The following CADPS2 variants were observed in gnomAD, a reference collection of about 807,000 sequenced individuals.
The protein encoded by CADPS2 is calcium-dependent secretion activator 2.
In CADPS2, 93 loss-of-function variants were observed where a neutral mutation model predicts 172.5. That is an observed-to-expected ratio of 0.54 (90% CI 0.46 to 0.64). CADPS2 has a LOEUF of 0.64. Ranked by LOEUF, CADPS2 falls within the 30% of genes least tolerant of loss-of-function variation. The pLI, the probability that CADPS2 is intolerant of heterozygous loss-of-function variation, is 0.00. For synonymous variants in CADPS2, 546 were observed against 555.2 expected (o/e 0.98, Z 0.23); for missense variants, 1,420 against 1,565.9 (o/e 0.91, Z 1.57).
rs552595954 is a variant in CADPS2, at chr7:122,816,612, GT to G, written c.339+69386del. Among the ~76,000 whole-genome samples the G allele has an allele frequency of 3.0e-3, 450 of 152,314 alleles. 1 individual carries two copies. The highest frequency in any genetic ancestry group is 0.012 in the South Asian group (57 of 4,822). The stretch of plus-strand genomic sequence containing the variant: ...TAGTTTTTGGAGGAACCTCCATACT[GT>G]TTTCCATAATAGCTTTGTGAATGTA... On this transcript the variant is annotated intron_variant, in intron 1 of 29. Coordinates refer to ENST00000449022, the MANE Select transcript of CADPS2 (RefSeq NM_017954.11).
chr7:122,683,745 GA>G (rs5887112), intron 2 of CADPS2, among the ~76,000 whole-genome samples: 1 of 149,402 alleles, frequency 6.7e-6, no homozygotes, highest in Admixed American at 6.7e-5. Context: ...TGTTAATGAA[GA>G]AAAAAAAAAC....
intron 8 of CADPS2, among the ~76,000 whole-genome samples, chr7:122,529,524 T>C (rs1482532968): frequency 6.6e-6 from 1 of 151,998 alleles, no homozygotes; most frequent in Non-Finnish European, 1.5e-5. Flanking sequence ...TAGAAAAGAA[T>C]AAAAGAGTTA....
chr7:122,667,880 A>C (rs909781253), intron 2 of CADPS2, among the ~76,000 whole-genome samples: 2 of 152,140 alleles, frequency 1.3e-5, no homozygotes, highest in Non-Finnish European at 2.9e-5. Flanking sequence ...TGAGGGAAAT[A>C]CAAGGACTTT....
At chr7:122,880,214 G>T (rs1168800469) in intron 1 of CADPS2, among the ~76,000 whole-genome samples, 1 of 152,102 alleles carries the variant, frequency 6.6e-6, no homozygotes, top group African/African-American at 2.4e-5. Context: ...GTTCATTCTG[G>T]AATGGAAAGC....
chr7:122,406,305 AC>A (rs2046630572), intron 20 of CADPS2, among the ~76,000 whole-genome samples: 1 of 152,246 alleles, frequency 6.6e-6, no homozygotes, highest in Non-Finnish European at 1.5e-5. Flanking sequence ...GTTTAGGTTT[AC>A]AACCAGAAAG....
rs1430897622 is a variant in CADPS2 at position 122,407,549 on chromosome 7, G to A, written c.2737C>T (p.Arg913Ter). The part of the protein sequence containing the change: ...PLFQLLNNFL[R>*]NDTLLCNGKF... The stretch of plus-strand genomic sequence containing the variant: ...AAACGCAAATGCTCACTGTCATTTC[G>A]GAGGAAATTATTAAGCAGTTGGAAA... Residue 913 changes from arginine to a stop codon, truncating the protein, a stop_gained, in exon 20 of 30, where the codon CGA becomes TGA. Transcript: ENST00000449022. LOFTEE classifies it high-confidence loss of function. The A allele has an allele frequency of 2.5e-6, 4 of 1,610,130 alleles. No individual in the cohort carries two copies. The highest frequency in any genetic ancestry group is 3.4e-6 in the Non-Finnish European group (4 of 1,178,538).
chr7:122,554,550 C>A lies in CADPS2; in HGVS notation c.1475G>T (p.Gly492Val). 1.3e-6 allele frequency: 2 copies of A among 1,587,688 alleles called. No homozygotes were observed. The highest frequency in any genetic ancestry group is 1.7e-6 in the Non-Finnish European group (2 of 1,170,474). Reference protein sequence around the residue: ...MDKPAHMKHSGYLYALGQKVW... With the variant: ...MDKPAHMKHSVYLYALGQKVW... ...AAAAAATCCTCAAATTTATACTCAC[C>A]CACTATGCTTCATATGTGCTGGTTT... The change falls in exon 8 of 30, where the codon GGA becomes GTA. Residue 492 changes from glycine to valine, a missense_variant and splice_region_variant. Coordinates refer to ENST00000449022, the MANE Select transcript of CADPS2 (RefSeq NM_017954.11).
chr7:122,821,758 A>C (rs908584693), intron 1 of CADPS2, among the ~76,000 whole-genome samples: 1 of 152,208 alleles, frequency 6.6e-6, no homozygotes, highest in Non-Finnish European at 1.5e-5. Flanking sequence ...CAAGAAAAGT[A>C]GAATGGACTA....
At chr7:122,358,504 G>A (rs1194792089) in intron 27 of CADPS2, among the ~76,000 whole-genome samples, 1 of 151,818 alleles carries the variant, frequency 6.6e-6, no homozygotes, top group Non-Finnish European at 1.5e-5. Context: ...ATTATGTGGG[G>A]TTGTATCTAA....
intron 6 of CADPS2, among the ~76,000 whole-genome samples, chr7:122,581,842 T>C (rs182877248): frequency 4.3e-4 from 65 of 152,248 alleles, no homozygotes; most frequent in Admixed American, 2.4e-3. Context: ...TCTGAATGTT[T>C]TGTAGTTAAT....
intron 24 of CADPS2, 59 bp downstream of exon 24, chr7:122,386,967 G>A: frequency 1.3e-6 from 2 of 1,514,094 alleles, no homozygotes; most frequent in Non-Finnish European, 1.8e-6. Flanking sequence ...TGTGGAAAGG[G>A]CATTTCCCAT....
intron 17 of CADPS2, among the ~76,000 whole-genome samples, chr7:122,431,460 G>A (rs566133862): frequency 1.3e-5 from 2 of 152,246 alleles, no homozygotes; most frequent in East Asian, 3.9e-4. Flanking sequence ...TTGCAAATTT[G>A]AATCACTTTC....
intron 14 of CADPS2, among the ~76,000 whole-genome samples, chr7:122,465,896 A>G (rs189344269): frequency 2.0e-5 from 3 of 152,180 alleles, no homozygotes; most frequent in Non-Finnish European, 4.4e-5. Context: ...GTCAACATAG[A>G]TCTACAAATA....
intron 1 of CADPS2, among the ~76,000 whole-genome samples, chr7:122,856,828 G>T (rs1010216140): frequency 1.3e-5 from 2 of 152,188 alleles, no homozygotes; most frequent in African/African-American, 4.8e-5. Context: ...TCTTTAATAT[G>T]ATTTCAAGAT....
intron 4 of CADPS2, among the ~76,000 whole-genome samples, chr7:122,623,587 G>T (rs1167934283): frequency 6.6e-6 from 1 of 152,114 alleles, no homozygotes; most frequent in Non-Finnish European, 1.5e-5. Flanking sequence ...TAACCCACAG[G>T]TTCAGTTTAA....
At chr7:122,374,889 A>T (rs2042173445) in intron 25 of CADPS2, among the ~76,000 whole-genome samples, 1 of 152,184 alleles carries the variant, frequency 6.6e-6, no homozygotes, top group East Asian at 1.9e-4. Flanking sequence ...AGTCATTCAT[A>T]TATCTGTATA....
intron 1 of CADPS2, among the ~76,000 whole-genome samples, chr7:122,760,070 A>G (rs1320781094): frequency 6.6e-6 from 1 of 151,954 alleles, no homozygotes; most frequent in Non-Finnish European, 1.5e-5. Context: ...TTTTACACAC[A>G]GTCTATACTA....
At chr7:122,338,765 C>T (rs2036301036) in intron 28 of CADPS2, among the ~76,000 whole-genome samples, 1 of 151,874 alleles carries the variant, frequency 6.6e-6, no homozygotes, top group Non-Finnish European at 1.5e-5. Context: ...AAGAAAGCAT[C>T]CCATTTTTCT....
chr7:122,802,438 T>C (rs1055418513), intron 1 of CADPS2, among the ~76,000 whole-genome samples: 10 of 152,186 alleles, frequency 6.6e-5, no homozygotes, highest in Non-Finnish European at 1.3e-4. Flanking sequence ...GTCTCACTCA[T>C]TGGATCTCAG....
Sources: gnomAD v4.1 joint callset for allele counts (sites outside exome capture counted in the v4.1 genomes callset) on GRCh38, gnomAD v4.1.1 for gene constraint, MANE v1.5 for transcripts, NCBI Gene and HGNC (gene_info 2026-07-23, HGNC 2026-07-21) for gene names.